Variants in TCF4 observed in about 807,000 individuals in gnomAD.
TCF4 encodes transcription factor 4.
In TCF4, 3 loss-of-function variants were observed where a neutral mutation model predicts 82.1. The ratio of observed to expected loss-of-function variants is 0.04; its 90% CI spans 0.02 to 0.09. The LOEUF (loss-of-function observed/expected upper bound fraction) is 0.09, where lower values mean the gene tolerates loss of function less well. Ranked by LOEUF, TCF4 falls within the 10% of genes least tolerant of loss-of-function variation. TCF4 has a pLI of 1.00. For missense variants in TCF4, 518 were observed against 852.7 expected (o/e 0.61, Z 4.89); for synonymous variants, 276 against 309.6 (o/e 0.89, Z 1.14).
chr18:55,607,115 A>G (rs1248250729), intron 2 of TCF4, among the ~76,000 whole-genome samples: 1 of 152,182 alleles, frequency 6.6e-6, no homozygotes, highest in Non-Finnish European at 1.5e-5. Context: ...GGGATGTGAT[A>G]AAAGTTACGT....
intron 3 of TCF4, among the ~76,000 whole-genome samples, chr18:55,466,057 T>C (rs2096010554): frequency 6.6e-6 from 1 of 152,184 alleles, no homozygotes; most frequent in African/African-American, 2.4e-5. Context: ...AGTGGGGCTT[T>C]TGCATCCCAA....
chr18:55,592,507 C>G (rs2097686669), upstream of TCF4, among the ~76,000 whole-genome samples: 1 of 152,076 alleles, frequency 6.6e-6, no homozygotes, highest in Non-Finnish European at 1.5e-5. Flanking sequence ...CTCAGCTAAC[C>G]CTAGTTATCT....
At chr18:55,429,439 A>G (rs571338322) in intron 5 of TCF4, among the ~76,000 whole-genome samples, 1 of 152,266 alleles carries the variant, frequency 6.6e-6, no homozygotes, top group South Asian at 2.1e-4. Flanking sequence ...TCAAGAAGAA[A>G]CTTCCATCTC....
intron 13 of TCF4, among the ~76,000 whole-genome samples, chr18:55,259,216 G>C (rs1359865629): frequency 1.3e-5 from 2 of 152,062 alleles, no homozygotes; most frequent in African/African-American, 4.8e-5. Context: ...TGTTGCTGTT[G>C]TTTTGTTTTT....
At chr18:55,321,989 A>G in intron 8 of TCF4, 1 of 1,254,426 alleles carries the variant, frequency 8.0e-7, no homozygotes, top group Non-Finnish European at 1.0e-6. Flanking sequence ...ATCCTAATGC[A>G]TACGCGAGAT....
At chr18:55,254,725 A>T in intron 14 of TCF4, 25 bp from the exon 15 acceptor site, 1 of 1,586,880 alleles carries the variant, frequency 6.3e-7, no homozygotes, top group Non-Finnish European at 8.6e-7. Flanking sequence ...ATGATGTAAA[A>T]TTTGATTTAG....
chr18:55,351,354 C>G lies in TCF4; in HGVS notation c.370-351G>C, dbSNP rs1057351109. 25 of 253,754 alleles carry G rather than the reference C, an allele frequency of 9.9e-5. 1 individual carries two copies. Among genetic ancestry groups the G allele is most frequent in the South Asian group, 4.7e-4 (11 of 23,278 alleles). The allele number at this position is 253,754 out of a possible 1,614,324, so 15.7% of individuals were successfully genotyped here. ...AGGCTCATATCTGGGAACTATTCAT[C>G]CCCTTCCTTAACAAGAAGAACCTCA... is the stretch of plus-strand genomic sequence containing the variant. On this transcript the variant is annotated intron_variant, in intron 6 of 19. Transcript: ENST00000354452.
At chr18:55,610,785 T>C (rs912800311) in intron 2 of TCF4, among the ~76,000 whole-genome samples, 3 of 152,218 alleles carry the variant, frequency 2.0e-5, no homozygotes, top group Non-Finnish European at 2.9e-5. Flanking sequence ...GCTCTGCCTT[T>C]TGTGACATTT....
chr18:55,319,922 A>G (rs765996118), intron 8 of TCF4, among the ~76,000 whole-genome samples: 8 of 152,184 alleles, frequency 5.3e-5, no homozygotes, highest in South Asian at 2.1e-4. Flanking sequence ...AAGTCACATC[A>G]TTGGTAATCC....
At chr18:55,515,155 G>A (rs1339130445) in intron 3 of TCF4, among the ~76,000 whole-genome samples, 1 of 152,130 alleles carries the variant, frequency 6.6e-6, no homozygotes, top group Non-Finnish European at 1.5e-5. Context: ...TTAATGTAAA[G>A]ATGGAGAAAC....
intron 8 of TCF4, among the ~76,000 whole-genome samples, chr18:55,311,186 G>A (rs1346191756): frequency 6.6e-6 from 1 of 151,702 alleles, no homozygotes; most frequent in Non-Finnish European, 1.5e-5. Flanking sequence ...AAGGGAAATA[G>A]AAAGGGAAAG....
chr18:55,360,019 G>A (rs1481037732), intron 6 of TCF4, among the ~76,000 whole-genome samples: 3 of 152,336 alleles, frequency 2.0e-5, no homozygotes, highest in Non-Finnish European at 4.4e-5. Context: ...TTTGGAACAG[G>A]TGGGATAATG....
intron 5 of TCF4, among the ~76,000 whole-genome samples, chr18:55,451,448 G>A (rs1216863261): frequency 6.6e-6 from 1 of 152,192 alleles, no homozygotes; most frequent in African/African-American, 2.4e-5. Flanking sequence ...GAAGTGAAAA[G>A]CCAAGAATTA....
At chr18:55,265,750 A>C (rs1019150406) in intron 11 of TCF4, 4 of 152,218 alleles carry the variant, frequency 2.6e-5, no homozygotes, top group African/African-American at 9.6e-5. Context: ...TTTCTACTAG[A>C]CAAGCCACAT....
At chr18:55,411,459 G>A (rs1221860006) in intron 5 of TCF4, among the ~76,000 whole-genome samples, 6 of 152,222 alleles carry the variant, frequency 3.9e-5, no homozygotes, top group Non-Finnish European at 7.4e-5. Context: ...GAACATAATA[G>A]TTTTTCATAT....
intron 3 of TCF4, among the ~76,000 whole-genome samples, chr18:55,541,841 T>C (rs1034709177): frequency 6.6e-6 from 1 of 151,980 alleles, no homozygotes; most frequent in Non-Finnish European, 1.5e-5. Context: ...GAAGGGAGAA[T>C]ACGACGTTAT....
intron 5 of TCF4, among the ~76,000 whole-genome samples, chr18:55,426,338 C>A (rs958264455): frequency 6.6e-6 from 1 of 152,116 alleles, no homozygotes; most frequent in East Asian, 1.9e-4. Flanking sequence ...CACAGAAAAT[C>A]TGTTCCACTT....
In TCF4 at chr18:55,627,429, A is replaced by G. The variant is rs897311721; in HGVS notation, c.286+3869T>C. Among the ~76,000 whole-genome samples the G allele has an allele frequency of 3.2e-4, 49 of 152,174 alleles. 1 individual carries two copies. The highest frequency in any genetic ancestry group is 1.5e-5 in the Non-Finnish European group (1 of 68,040). On this transcript the variant is annotated intron_variant, in intron 2 of 20. Transcript: ENST00000398339. ...ATGGCTTCCACAGGGTACAATGGCA[A>G]TGCAGGAAGACAGTGGCCACGTGTA...
At chr18:55,555,849 T>A (rs559097339) in intron 3 of TCF4, among the ~76,000 whole-genome samples, 1 of 152,246 alleles carries the variant, frequency 6.6e-6, no homozygotes, top group Admixed American at 6.5e-5. Context: ...AATATTTAAT[T>A]TGAGCAAATT....
Sources: gnomAD v4.1 joint callset for allele counts (sites outside exome capture counted in the v4.1 genomes callset) on GRCh38, gnomAD v4.1.1 for gene constraint, MANE v1.5 for transcripts, NCBI Gene and HGNC (gene_info 2026-07-23, HGNC 2026-07-21) for gene names.